The following KSR1 variants were observed in gnomAD, a reference collection of about 807,000 sequenced individuals.
KSR1 encodes kinase suppressor of ras.
KSR1 carries 35 observed loss-of-function variants against 92.9 expected under a neutral mutation model. That is an observed-to-expected ratio of 0.38 (90% confidence interval 0.29 to 0.50). The LOEUF is 0.50. Ranked by LOEUF, KSR1 falls within the 20% of genes least tolerant of loss-of-function variation. The pLI, the probability that KSR1 is intolerant of heterozygous loss-of-function variation, is 0.94. For synonymous variants in KSR1, 467 were observed against 472.6 expected (o/e 0.99, Z 0.15); for missense variants, 972 against 1,158.5 (o/e 0.84, Z 2.34).
At chr17:27,516,818 G>A (rs572157773) in intron 1 of KSR1, among the ~76,000 whole-genome samples, 1 of 152,236 alleles carries the variant, frequency 6.6e-6, no homozygotes, top group Non-Finnish European at 1.5e-5. Context: ...ATGTGCCCAA[G>A]GTGGTTGGGT....
At chr17:27,572,297 G>T (rs942234297) in intron 2 of KSR1, among the ~76,000 whole-genome samples, 2 of 152,208 alleles carry the variant, frequency 1.3e-5, no homozygotes, top group Non-Finnish European at 2.9e-5. Context: ...ATCCCCACCT[G>T]TGTGCACCCA....
At chr17:27,582,440 T>C (rs2072799972) in intron 3 of KSR1, among the ~76,000 whole-genome samples, 1 of 152,158 alleles carries the variant, frequency 6.6e-6, no homozygotes, top group Admixed American at 6.5e-5. Flanking sequence ...TGGTAGTATC[T>C]GCGCCGAGGG....
intron 1 of KSR1, among the ~76,000 whole-genome samples, chr17:27,485,466 G>A (rs1336715910): frequency 6.6e-6 from 1 of 152,216 alleles, no homozygotes; most frequent in Admixed American, 6.5e-5. Flanking sequence ...TGCAGACAGA[G>A]TAGATTTAGA....
At chr17:27,604,207 G>A (rs1015102505) in intron 12 of KSR1, among the ~76,000 whole-genome samples, 2 of 152,184 alleles carry the variant, frequency 1.3e-5, no homozygotes, top group Non-Finnish European at 2.9e-5. Flanking sequence ...AGGCCATGCT[G>A]AGCACTTGAC....
rs2073370259 is a variant in KSR1, at chr17:27,597,161, C to T, written c.1300-107C>T. 4.0e-6 allele frequency: 5 copies of T among 1,245,610 alleles called. No individual in the cohort carries two copies. In the African/African-American group the frequency reaches 7.4e-5, roughly 19 times the overall value. 77.2% of individuals were successfully genotyped at this position (1,245,610 alleles called of 1,614,324 possible). ...TGTAAAATGTCAGACCCTGAGGATT[C>T]CCTGGGCTGACTGCTTCCTTTCCAG... On this transcript the variant is annotated intron_variant, in intron 9 of 20. Transcript: ENST00000644974.
At chr17:27,526,029 TTTCTTTTCTTTTCTTTC>T (rs778266972) in intron 1 of KSR1, among the ~76,000 whole-genome samples, 101 of 99,260 alleles carry the variant, frequency 1.0e-3, no homozygotes, top group Admixed American at 1.4e-3. Flanking sequence ...TTTCTTTTCT[TTTCTTTTCTTTTCTTTC>T]TCTCTCTCTC....
At chr17:27,492,365 G>T (rs2068857317) in intron 1 of KSR1, among the ~76,000 whole-genome samples, 1 of 152,134 alleles carries the variant, frequency 6.6e-6, no homozygotes, top group Non-Finnish European at 1.5e-5. Flanking sequence ...CTGAAACTGG[G>T]TCTGTTCAAA....
intron 10 of KSR1, 45 bp from the exon 11 acceptor site, chr17:27,601,315 G>C (rs73983664): frequency 6.4e-7 from 1 of 1,564,836 alleles, no homozygotes; most frequent in African/African-American, 1.4e-5. Flanking sequence ...TCCCTCCTGC[G>C]TTGGCCGTTC....
At chr17:27,538,833 C>A (rs1409435132) in intron 1 of KSR1, among the ~76,000 whole-genome samples, 1 of 152,168 alleles carries the variant, frequency 6.6e-6, no homozygotes, top group Non-Finnish European at 1.5e-5. Flanking sequence ...GTCTGGGGCA[C>A]TCATCTGTCA....
intron 6 of KSR1, 142 bp downstream of exon 6, chr17:27,588,677 A>C (rs1221335818): frequency 5.8e-6 from 4 of 684,566 alleles, no homozygotes; most frequent in Non-Finnish European, 6.7e-6. Flanking sequence ...ATGGCCCTGC[A>C]CTTACCTGGA....
intron 1 of KSR1, among the ~76,000 whole-genome samples, chr17:27,496,182 G>A (rs1351227724): frequency 1.3e-5 from 2 of 152,164 alleles, no homozygotes; most frequent in Non-Finnish European, 2.9e-5. Flanking sequence ...CTTATTTTGA[G>A]TAAGAGAGTG....
chr17:27,600,090 C>CTTTT (rs552526373), intron 10 of KSR1, among the ~76,000 whole-genome samples: 12 of 115,326 alleles, frequency 1.0e-4, no homozygotes, highest in African/African-American at 1.9e-4. Flanking sequence ...TTACAGATAA[C>CTTTT]TTTTTTTTTT....
intron 2 of KSR1, among the ~76,000 whole-genome samples, chr17:27,563,279 AT>A (rs2071910450): frequency 6.8e-6 from 1 of 147,678 alleles, no homozygotes; most frequent in Non-Finnish European, 1.5e-5. Context: ...TTTCCTTTCC[AT>A]TTTCCTTTTC....
intron 2 of KSR1, among the ~76,000 whole-genome samples, chr17:27,558,567 G>T (rs553951439): frequency 4.6e-5 from 7 of 152,242 alleles, no homozygotes; most frequent in Non-Finnish European, 8.8e-5. Context: ...CAGCTGTAAC[G>T]CCTGGCACAT....
At chr17:27,604,121 C>G (rs115896882) in intron 12 of KSR1, among the ~76,000 whole-genome samples, 133 of 152,260 alleles carry the variant, frequency 8.7e-4, no homozygotes, top group African/African-American at 3.1e-3. Flanking sequence ...GTCTTGGGAC[C>G]CAGGCGGGTT....
Position 27,560,790 on chromosome 17 carries a change from C to T in KSR1, c.372+10082C>T, listed in dbSNP as rs555083853. On this transcript the variant is annotated intron_variant, in intron 2 of 20. Transcript: ENST00000644974. ...CCCCTCCTCCTGTCGGCCCCATACTCTCTCTTTGAGAGCCAGAGGCCCAGC... is the reference window on the plus strand; with the variant it reads ...CCCCTCCTCCTGTCGGCCCCATACTTTCTCTTTGAGAGCCAGAGGCCCAGC... 8.5e-5 allele frequency among the ~76,000 whole-genome samples: 13 copies of T among 152,358 alleles called. No individual in the cohort carries two copies. In the East Asian group the frequency reaches 2.3e-3, roughly 27 times the overall value.
intron 1 of KSR1, among the ~76,000 whole-genome samples, chr17:27,519,872 C>G (rs182355099): frequency 1.2e-4 from 19 of 152,186 alleles, no homozygotes; most frequent in Non-Finnish European, 2.1e-4. Flanking sequence ...TTGGGAGGAG[C>G]TCTTCATCCA....
At chr17:27,520,098 A>C (rs905931319) in intron 1 of KSR1, among the ~76,000 whole-genome samples, 1 of 152,172 alleles carries the variant, frequency 6.6e-6, no homozygotes, top group African/African-American at 2.4e-5. Context: ...GAATTATTTC[A>C]TTTCACTCCA....
At chr17:27,516,919 A>G (rs1211703824) in intron 1 of KSR1, among the ~76,000 whole-genome samples, 1 of 152,240 alleles carries the variant, frequency 6.6e-6, no homozygotes, top group Non-Finnish European at 1.5e-5. Flanking sequence ...CCTTTGTGGC[A>G]ATGAGATACC....
Sources: allele counts gnomAD v4.1 joint callset (sites outside exome capture counted in the v4.1 genomes callset), GRCh38; gene constraint gnomAD v4.1.1; transcripts MANE v1.5; gene names NCBI Gene and HGNC (gene_info 2026-07-23, HGNC 2026-07-21).